The following RASSF6 variants were observed in gnomAD, a reference collection of about 807,000 sequenced individuals.
The protein encoded by RASSF6 is Ras association domain family member 6, also known as ras association domain-containing protein 6.
A neutral mutation model predicts 44.0 loss-of-function variants in RASSF6; 52 were observed. That is an observed-to-expected ratio of 1.18 (90% confidence interval 0.95 to 1.49). The LOEUF is 1.49. Among genes scored for constraint, RASSF6 ranks in the 40% most tolerant of loss-of-function variants. The pLI, the probability that RASSF6 is intolerant of heterozygous loss-of-function variation, is 0.00. For synonymous variants in RASSF6, 162 were observed against 124.6 expected (o/e 1.30, Z -2.00); for missense variants, 464 against 393.3 (o/e 1.18, Z -1.52).
chr4:73,601,469 T>C (rs772930288), intron 2 of RASSF6, among the ~76,000 whole-genome samples: 1 of 152,250 alleles, frequency 6.6e-6, no homozygotes, highest in Non-Finnish European at 1.5e-5. Flanking sequence ...CTGGATACCA[T>C]AGAAGTATTT....
At chr4:73,592,922 A>G (rs550566384) in intron 4 of RASSF6, among the ~76,000 whole-genome samples, 3 of 152,128 alleles carry the variant, frequency 2.0e-5, no homozygotes, top group Non-Finnish European at 4.4e-5. Context: ...AGTAAGGCCC[A>G]GTCCAGTTCT....
At chr4:73,580,747 G>C (rs1484896650) in intron 8 of RASSF6, among the ~76,000 whole-genome samples, 4 of 125,536 alleles carry the variant, frequency 3.2e-5, no homozygotes, top group Non-Finnish European at 5.3e-5. Context: ...AAATTTGTTT[G>C]AGTTCATTGT....
At chr4:73,598,568 T>TTG (rs10632092) in intron 3 of RASSF6, 72 bp downstream of exon 3, 358,512 of 515,188 alleles carry the variant, frequency 0.7, 105,195 homozygotes, top group Admixed American at 0.8. Flanking sequence ...TCTTCCAGAA[T>TTG]TGTGTGTGTG....
At chr4:73,619,879 C>T (rs1726588727) in intron 1 of RASSF6, among the ~76,000 whole-genome samples, 2 of 151,848 alleles carry the variant, frequency 1.3e-5, no homozygotes, top group African/African-American at 4.8e-5. Context: ...CTTTCCAGTG[C>T]GATGATTCAA....
chr4:73,599,329 G>C (rs1384664395), intron 2 of RASSF6, among the ~76,000 whole-genome samples: 1 of 152,214 alleles, frequency 6.6e-6, no homozygotes, highest in Non-Finnish European at 1.5e-5. Flanking sequence ...TGTGGCAGGG[G>C]AGCTTCTCTC....
chr4:73,585,022 A>G (rs1327723996), intron 6 of RASSF6, among the ~76,000 whole-genome samples, 158 bp downstream of exon 6: 5 of 152,100 alleles, frequency 3.3e-5, no homozygotes, highest in Non-Finnish European at 7.4e-5. Context: ...TTTAAAACAC[A>G]TTTACTTTAA....
intron 4 of RASSF6, among the ~76,000 whole-genome samples, chr4:73,592,435 G>C (rs555241015): frequency 4.6e-5 from 7 of 152,284 alleles, no homozygotes; most frequent in South Asian, 2.1e-4. Context: ...TATATACACA[G>C]TGGGTTGAGC....
At chr4:73,601,936 G>C (rs902575179) in intron 2 of RASSF6, among the ~76,000 whole-genome samples, 8 of 152,190 alleles carry the variant, frequency 5.3e-5, no homozygotes, top group Admixed American at 3.9e-4. Flanking sequence ...CAGTCAAGAG[G>C]CCTCAGTCAT....
intron 3 of RASSF6, among the ~76,000 whole-genome samples, chr4:73,597,714 A>G (rs879658770): frequency 7.9e-5 from 12 of 152,234 alleles, no homozygotes; most frequent in Admixed American, 3.3e-4. Flanking sequence ...AGCACATGGA[A>G]TCAACCTAAA....
intron 1 of RASSF6, among the ~76,000 whole-genome samples, chr4:73,615,483 G>T (rs907814617): frequency 6.6e-6 from 1 of 152,198 alleles, no homozygotes; most frequent in Admixed American, 6.5e-5. Context: ...AAGCCTGGAG[G>T]TCTTACTTGG....
chr4:73,581,669 T>A (rs1332601363), intron 8 of RASSF6, 148 bp downstream of exon 8: 1 of 517,816 alleles, frequency 1.9e-6, no homozygotes, highest in African/African-American at 2.0e-5. Flanking sequence ...GGACTATAGA[T>A]AATGTTCTAA....
At chr4:73,600,742 G>A (rs771051643) in intron 2 of RASSF6, among the ~76,000 whole-genome samples, 46 of 151,940 alleles carry the variant, frequency 3.0e-4, no homozygotes, top group Non-Finnish European at 5.3e-4. Context: ...AGATCCTCCT[G>A]AAGTCCTCCA....
chr4:73,598,749 G>T, intron 2 of RASSF6, 31 bp from the exon 3 acceptor site: 2 of 987,408 alleles, frequency 2.0e-6, no homozygotes, highest in Non-Finnish European at 3.0e-6. Context: ...ATTACAATCA[G>T]TCTTAGAGTT....
chr4:73,607,067 A>T (rs957295981), intron 2 of RASSF6, among the ~76,000 whole-genome samples: 1 of 152,176 alleles, frequency 6.6e-6, no homozygotes, highest in African/African-American at 2.4e-5. Flanking sequence ...ACCACTGGTT[A>T]TCTTTACATT....
intron 2 of RASSF6, among the ~76,000 whole-genome samples, chr4:73,605,098 C>T (rs913898408): frequency 6.6e-6 from 1 of 152,032 alleles, no homozygotes; most frequent in Non-Finnish European, 1.5e-5. Context: ...CCATGTTGGC[C>T]AGGCTGGTCT....
rs567085721 is a variant in RASSF6, at chr4:73,592,143, A to C, written c.287+1308T>G. On this transcript the variant is annotated intron_variant, in intron 4 of 10. Transcript: ENST00000307439. The stretch of plus-strand genomic sequence containing the variant: ...CAGAGTCAGGAAAATTAGAAATTGC[A>C]TGAAATGTGTAGGGAATTACAAAAC... Among the ~76,000 whole-genome samples, 3 of 152,378 alleles carry C rather than the reference A, an allele frequency of 2.0e-5. 1 individual carries two copies. In the South Asian group the frequency reaches 6.2e-4, roughly 32 times the overall value.
At chr4:73,601,864 T>C (rs914608668) in intron 2 of RASSF6, among the ~76,000 whole-genome samples, 1 of 152,234 alleles carries the variant, frequency 6.6e-6, no homozygotes, top group East Asian at 1.9e-4. Context: ...TCTGTGTCTA[T>C]TCACATTACA....
At chr4:73,577,281 TAGAG>T (rs760372067) in intron 8 of RASSF6, among the ~76,000 whole-genome samples, 1 of 152,186 alleles carries the variant, frequency 6.6e-6, no homozygotes, top group Non-Finnish European at 1.5e-5. Flanking sequence ...GAAAATGAGA[TAGAG>T]AAAGAAAATA....
chr4:73,604,893 T>G (rs1725523658), intron 2 of RASSF6, among the ~76,000 whole-genome samples: 1 of 150,870 alleles, frequency 6.6e-6, no homozygotes, highest in African/African-American at 2.4e-5. Context: ...TCTTTTTTTT[T>G]TTTTTTGTTT....
Sources: gnomAD v4.1 joint callset for allele counts (sites outside exome capture counted in the v4.1 genomes callset) on GRCh38, gnomAD v4.1.1 for gene constraint, MANE v1.5 for transcripts, NCBI Gene and HGNC (gene_info 2026-07-23, HGNC 2026-07-21) for gene names.